The following MYH14 variants were observed in gnomAD, a reference collection of about 807,000 sequenced individuals.
MYH14 encodes the protein myosin heavy chain 14.
In MYH14, 123 loss-of-function variants were observed where a neutral mutation model predicts 255.5. That is an observed-to-expected ratio of 0.48 (90% CI 0.42 to 0.56). MYH14 has a LOEUF of 0.56. Among genes scored for constraint, MYH14 ranks in the 20% least tolerant of loss-of-function variants. MYH14 has a pLI of 0.00. For synonymous variants in MYH14, 1,095 were observed against 1,161.2 expected (o/e 0.94, Z 1.16); for missense variants, 2,423 against 2,802.3 (o/e 0.86, Z 3.06).
At chr19:50,258,999 T>C in intron 18 of MYH14, 145 bp from the exon 19 acceptor site, 1 of 1,098,590 alleles carries the variant, frequency 9.1e-7, no homozygotes, top group Non-Finnish European at 1.3e-6. Context: ...TGAGCATTGC[T>C]GTCTTCCCAG....
chr19:50,295,428 G>T (rs2036235403), intron 39 of MYH14, among the ~76,000 whole-genome samples: 1 of 152,104 alleles, frequency 6.6e-6, no homozygotes, highest in African/African-American at 2.4e-5. Context: ...GATCGCTTGA[G>T]CCCAGGTGTT....
At position 50,310,199 on chromosome 19, in the gene MYH14, C is replaced by T. The variant is rs1320654768; in HGVS notation, c.*409C>T. 1 of 270,956 alleles carries T rather than the reference C, an allele frequency of 3.7e-6. No homozygotes were observed. The highest frequency in any genetic ancestry group is 2.3e-5 in the African/African-American group (1 of 43,634). The allele number at this position is 270,956 out of a possible 1,614,324, so 16.8% of individuals were successfully genotyped here. ...TCTCTCTCTCTCTCTCTCTCCCTCC[C>T]TCTCCTTCCCTACCCTCTCACCATC... On this transcript the variant is annotated 3_prime_UTR_variant, in exon 43 of 43. Coordinates refer to ENST00000642316, the MANE Select transcript of MYH14 (RefSeq NM_001145809.2).
chr19:50,203,772 C>G (rs985144843), intron 1 of MYH14, 101 bp downstream of exon 1: 1 of 152,270 alleles, frequency 6.6e-6, no homozygotes, highest in Non-Finnish European at 1.5e-5. Flanking sequence ...GGAGCCCGGG[C>G]AGGCGGCCGG....
chr19:50,284,695 TG>T (rs1303473942), intron 33 of MYH14: 1 of 144,348 alleles, frequency 6.9e-6, no homozygotes, highest in Non-Finnish European at 1.5e-5. Context: ...CGGCCTATCC[TG>T]TTTTTTTTTT....
intron 39 of MYH14, among the ~76,000 whole-genome samples, chr19:50,297,135 A>C (rs2036296364): frequency 6.6e-6 from 1 of 151,896 alleles, no homozygotes; most frequent in East Asian, 1.9e-4. Context: ...ACAAGCATGC[A>C]CCACCATGCC....
intron 19 of MYH14, among the ~76,000 whole-genome samples, chr19:50,259,735 G>A (rs535467298): frequency 1.4e-4 from 22 of 152,078 alleles, no homozygotes; most frequent in African/African-American, 4.3e-4. Flanking sequence ...AAAATTAGCC[G>A]GGTGTGGTAG....
chr19:50,274,234 C>T (rs759057872), intron 27 of MYH14, among the ~76,000 whole-genome samples: 1 of 152,106 alleles, frequency 6.6e-6, no homozygotes, highest in Non-Finnish European at 1.5e-5. Context: ...TTTAAATGTA[C>T]AATTCAGTAG....
In MYH14 at chr19:50,272,627, G is replaced by C. The variant is rs374915603; in HGVS notation, c.3363G>C (p.Glu1121Asp). The C allele has an allele frequency of 1.0e-5, 16 of 1,575,800 alleles. No individual in the cohort carries two copies. The African/African-American group carries it at 1.6e-4, about 16-fold the overall frequency. Residue 1121 changes from glutamate to aspartate, a missense_variant, in exon 27 of 43, where the codon GAG (glutamate) becomes GAC (aspartate). This residue lies in a region of MYH14 where 1,513 missense variants were observed against 1,674.8 expected (regional missense o/e 0.90). Transcript: ENST00000642316. ...LEKLKRRLDG[E>D]SSELQEQMVE... The stretch of plus-strand genomic sequence containing the variant: ...AGCTGAAGCGGAGGCTGGATGGGGA[G>C]AGCTCAGAGCTGCAGGAGCAGATGG...
At chr19:50,270,094 T>C (rs2035237552) in intron 24 of MYH14, among the ~76,000 whole-genome samples, 1 of 152,178 alleles carries the variant, frequency 6.6e-6, no homozygotes, top group Non-Finnish European at 1.5e-5. Flanking sequence ...GTCACACACC[T>C]GTGGTGTTGT....
Position 50,228,476 on chromosome 19 carries a change from C to CATG in MYH14, c.874+1512_874+1514dup, listed in dbSNP as rs2033215630. Among the ~76,000 whole-genome samples the CATG allele has an allele frequency of 2.6e-5, 4 of 152,226 alleles. No homozygotes were observed. In the South Asian group the frequency reaches 8.3e-4, roughly 32 times the overall value. On this transcript the variant is annotated intron_variant, in intron 8 of 42. Coordinates refer to ENST00000642316, the MANE Select transcript of MYH14 (RefSeq NM_001145809.2). Reference sequence around the variant, plus strand: ...GGGTTTCTCCTAAGTCTGCTCAGGGCATGAAGCAGCCAGCCGGCCCGTTGG... The same window carrying CATG: ...GGGTTTCTCCTAAGTCTGCTCAGGGCATGATGAAGCAGCCAGCCGGCCCGTTGG...
At chr19:50,229,882 A>G (rs1391776051) in intron 8 of MYH14, among the ~76,000 whole-genome samples, 1 of 152,090 alleles carries the variant, frequency 6.6e-6, no homozygotes, top group Non-Finnish European at 1.5e-5. Context: ...TAAGTCATTT[A>G]TCTTCACAGC....
rs1052305922 is a variant in MYH14 at position 50,259,277 on chromosome 19, C to T, written c.2354+12C>T. On this transcript the variant is annotated intron_variant, in intron 19 of 42. Transcript: ENST00000642316. Reference sequence around the variant, plus strand: ...GAGTTCCGGCAGCGGTGAGCTAGAGCGAGGGCCCAGGCCCGGCGGAGGGGC... The same window carrying T: ...GAGTTCCGGCAGCGGTGAGCTAGAGTGAGGGCCCAGGCCCGGCGGAGGGGC... 1 of 1,563,528 alleles carries T rather than the reference C, an allele frequency of 6.4e-7. No individual in the cohort carries two copies. The highest frequency in any genetic ancestry group is 1.2e-5 in the South Asian group (1 of 85,086).
At chr19:50,263,577 T>G (rs2034969916) in intron 22 of MYH14, among the ~76,000 whole-genome samples, 157 bp downstream of exon 22, 1 of 152,182 alleles carries the variant, frequency 6.6e-6, no homozygotes, top group Non-Finnish European at 1.5e-5. Context: ...ATTCTTTAGT[T>G]AGCAAGCAAC....
chr19:50,301,406 C>T (rs1381403893), intron 39 of MYH14, among the ~76,000 whole-genome samples: 2 of 152,168 alleles, frequency 1.3e-5, no homozygotes, highest in Admixed American at 1.3e-4. Context: ...TTGTGATGGT[C>T]TCGTGGACTT....
At position 50,280,652 on chromosome 19, in the gene MYH14, C is replaced by T. The variant is rs537772809; in HGVS notation, c.4290+269C>T. Among the ~76,000 whole-genome samples, 8 of 152,268 alleles carry T rather than the reference C, an allele frequency of 5.3e-5. No individual in the cohort carries two copies. The highest frequency in any genetic ancestry group is 4.6e-4 in the Admixed American group (7 of 15,290). On this transcript the variant is annotated intron_variant, in intron 32 of 42. Coordinates refer to ENST00000642316, the MANE Select transcript of MYH14 (RefSeq NM_001145809.2). This position sits in a 1 kb window ranked among gnomAD's most constrained non-coding sequence, Gnocchi z 4.8. ...TCTCCCATCTAGATCCTCCTCTTGG[C>T]CTCTGGGCCTCCAGCCTCTCCCCTA...
intron 19 of MYH14, among the ~76,000 whole-genome samples, chr19:50,260,357 G>A (rs1044097216): frequency 5.3e-5 from 8 of 152,178 alleles, no homozygotes; most frequent in Non-Finnish European, 1.2e-4. Context: ...CCTGGGAGGC[G>A]GAGGTCGCAG....
chr19:50,215,812 C>T (rs2032444728), intron 2 of MYH14, among the ~76,000 whole-genome samples: 1 of 152,102 alleles, frequency 6.6e-6, no homozygotes, highest in Admixed American at 6.6e-5. Flanking sequence ...AAGTGAGATC[C>T]TGTTTCTAAA....
chr19:50,257,219 T>TA, intron 17 of MYH14, 80 bp from the exon 18 acceptor site: 1 of 1,200,238 alleles, frequency 8.3e-7, no homozygotes, highest in Non-Finnish European at 1.1e-6. Flanking sequence ...TGATAAATGA[T>TA]AAGACCCTTG....
intron 40 of MYH14, among the ~76,000 whole-genome samples, chr19:50,305,456 C>T (rs1414655878): frequency 1.3e-5 from 2 of 151,966 alleles, no homozygotes; most frequent in Admixed American, 6.6e-5. Flanking sequence ...GAGTGAAAGG[C>T]CTCAGGGACA....
Sources: gnomAD v4.1 joint callset for allele counts (sites outside exome capture counted in the v4.1 genomes callset) on GRCh38, gnomAD v4.1.1 for gene constraint, gnomAD v4.1.1 regional missense constraint, Gnocchi (gnomAD v3.1) non-coding constraint, MANE v1.5 for transcripts, NCBI Gene and HGNC (gene_info 2026-07-23, HGNC 2026-07-21) for gene names.